Variants in SLC25A33 observed in about 807,000 individuals in gnomAD.
SLC25A33 encodes the protein bone marrow stromal cell mitochondrial carrier protein.
Under a neutral mutation model 35.5 loss-of-function variants are expected in SLC25A33, and 15 were observed. That is an observed-to-expected ratio of 0.42 (90% CI 0.28 to 0.65). The LOEUF (loss-of-function observed/expected upper bound fraction) is 0.65. Among genes scored for constraint, SLC25A33 ranks in the 30% least tolerant of loss-of-function variants. The pLI is 0.20. For synonymous variants in SLC25A33, 136 were observed against 148.7 expected (o/e 0.91, Z 0.62); for missense variants, 257 against 398.5 (o/e 0.64, Z 3.02).
intron 1 of SLC25A33, among the ~76,000 whole-genome samples, chr1:9,541,203 G>C (rs905848818): frequency 2.0e-5 from 3 of 150,130 alleles, no homozygotes; most frequent in African/African-American, 7.4e-5. Flanking sequence ...GCCCAGGCTG[G>C]AGTGCACTGG....
At chr1:9,563,920 A>G (rs960717350) in intron 2 of SLC25A33, among the ~76,000 whole-genome samples, 3 of 152,026 alleles carry the variant, frequency 2.0e-5, no homozygotes, top group African/African-American at 7.2e-5. Context: ...CGGCCTCCCA[A>G]TGTGCTAGGA....
At position 9,539,696 on chromosome 1, in the gene SLC25A33, C is replaced by G; in HGVS notation, c.5C>G (p.Ala2Gly). Residue 2 changes from alanine (A) to glycine (G), a missense_variant, in exon 1 of 7, where the codon GCG becomes GGG. By Grantham distance (60) the Ala-to-Gly change is moderately conservative. Transcript: ENST00000302692. ...GGCCGCGGAGCCGGCGCGGCCATGG[C>G]GACGGGCGGCCAGCAGAAGGAGAAC... M[A>G]TGGQQKENTL... is the part of the protein sequence containing the mutation. 7.2e-7 allele frequency: 1 copy of G among 1,388,552 alleles called. No individual in the cohort carries two copies. Among genetic ancestry groups the G allele is most frequent in the Non-Finnish European group, 9.3e-7 (1 of 1,070,142 alleles). 86.0% of individuals were successfully genotyped at this position (1,388,552 alleles called of 1,614,324 possible). A position where few individuals can be genotyped will look rare whatever the true frequency, so the allele number is the denominator to read the frequency against.
At chr1:9,574,283 G>T (rs901848853) in intron 5 of SLC25A33, among the ~76,000 whole-genome samples, 1 of 151,972 alleles carries the variant, frequency 6.6e-6, no homozygotes, top group African/African-American at 2.4e-5. Flanking sequence ...TGTAGAGATG[G>T]ATCTTGCCAT....
At chr1:9,553,896 TTC>T in intron 2 of SLC25A33, 91 bp downstream of exon 2, 1 of 1,366,088 alleles carries the variant, frequency 7.3e-7, no homozygotes, top group East Asian at 2.5e-5. Context: ...AAATGTGATG[TTC>T]TGTTTGCATA....
chr1:9,576,428 T>C (rs1643661776), intron 5 of SLC25A33: 3 of 372,762 alleles, frequency 8.0e-6, no homozygotes, highest in Non-Finnish European at 1.1e-5. Context: ...ACTGTGAAAA[T>C]GAAGACCATT....
At chr1:9,546,603 C>A (rs973445998) in intron 1 of SLC25A33, among the ~76,000 whole-genome samples, 26 of 152,136 alleles carry the variant, frequency 1.7e-4, no homozygotes, top group Non-Finnish European at 5.9e-5. Flanking sequence ...AAGCATGAGT[C>A]CCAGCTGGCC....
chr1:9,550,294 C>G (rs986416156), intron 1 of SLC25A33, among the ~76,000 whole-genome samples: 1 of 150,368 alleles, frequency 6.7e-6, no homozygotes, highest in African/African-American at 2.4e-5. Context: ...TTCGCTGTTA[C>G]TAGGGCATTT....
chr1:9,546,209 G>C (rs1271379029), intron 1 of SLC25A33, among the ~76,000 whole-genome samples: 1 of 129,424 alleles, frequency 7.7e-6, no homozygotes, highest in Non-Finnish European at 1.6e-5. Context: ...TTTTGAAACG[G>C]AGTCTCGCTC....
At chr1:9,554,353 A>ATGTT (rs1210773987) in intron 2 of SLC25A33, among the ~76,000 whole-genome samples, 15 of 151,718 alleles carry the variant, frequency 9.9e-5, no homozygotes, top group East Asian at 3.9e-4. Context: ...AAGAAACAAA[A>ATGTT]TGTTTGTTTG....
chr1:9,547,531 C>T (rs1269006465), intron 1 of SLC25A33, among the ~76,000 whole-genome samples: 1 of 151,832 alleles, frequency 6.6e-6, no homozygotes, highest in East Asian at 1.9e-4. Context: ...ACCAGCAGTG[C>T]CACCAGTCCA....
chr1:9,552,768 A>C (rs1204636642), intron 1 of SLC25A33, among the ~76,000 whole-genome samples: 1 of 152,148 alleles, frequency 6.6e-6, no homozygotes, highest in Non-Finnish European at 1.5e-5. Context: ...GAAATGATGA[A>C]GCAGGTGCAT....
chr1:9,570,829 C>T (rs1643580421), intron 4 of SLC25A33, among the ~76,000 whole-genome samples: 1 of 150,660 alleles, frequency 6.6e-6, no homozygotes, highest in Non-Finnish European at 1.5e-5. Flanking sequence ...TCTTGTGCCT[C>T]AGCCTCCTGA....
rs1158090760 is a variant in SLC25A33 at position 9,582,258 on chromosome 1, A to G, written c.764-41A>G. 3.1e-6 allele frequency: 5 copies of G among 1,605,626 alleles called. No homozygotes were observed. In the African/African-American group the frequency reaches 6.7e-5, roughly 21 times the overall value. On this transcript the variant is annotated intron_variant, in intron 6 of 6. Transcript: ENST00000302692. This position sits in a 1 kb window ranked among gnomAD's most constrained non-coding sequence, Gnocchi z 4.0. ...GTTGTGTGCTGTGGATTCGTTCCCC[A>G]TTTAATATGTGGCGTAAAGTAGGTC...
In SLC25A33 at chr1:9,544,351, C is replaced by A. The variant is rs1569839327; in HGVS notation, c.56+4604C>A. On this transcript the variant is annotated intron_variant, in intron 1 of 6. Transcript: ENST00000302692. ...TGGTGACATCTCGGCTCGCTGCAAC[C>A]TCCACCTCCCGGGTTCAAGCAATTC... Among the ~76,000 whole-genome samples, 4 of 151,226 alleles carry A rather than the reference C, an allele frequency of 2.6e-5. No individual in the cohort carries two copies. In the East Asian group the frequency reaches 7.9e-4, roughly 30 times the overall value.
At chr1:9,581,303 CAGG>C (rs1170223508) in intron 6 of SLC25A33, among the ~76,000 whole-genome samples, 1 of 152,096 alleles carries the variant, frequency 6.6e-6, no homozygotes, top group Non-Finnish European at 1.5e-5. Context: ...AAAACGTTTC[CAGG>C]AGGAGGAGGA....
intron 1 of SLC25A33, among the ~76,000 whole-genome samples, chr1:9,548,793 G>A (rs952464014): frequency 6.6e-6 from 1 of 152,108 alleles, no homozygotes; most frequent in African/African-American, 2.4e-5. Flanking sequence ...TGTAACTGGC[G>A]GTTGAATATG....
At chr1:9,561,011 A>G (rs1011287439) in intron 2 of SLC25A33, among the ~76,000 whole-genome samples, 17 of 146,720 alleles carry the variant, frequency 1.2e-4, no homozygotes, top group Non-Finnish European at 1.8e-4. Flanking sequence ...GTGCAGTGGC[A>G]CCATCTCTGC....
rs1172100444 is a variant in SLC25A33, at chr1:9,555,110, CTT to C, written c.236+1329_236+1330del. On this transcript the variant is annotated intron_variant, in intron 2 of 6. Coordinates refer to ENST00000302692, the MANE Select transcript of SLC25A33 (RefSeq NM_032315.3). ...TGTTTTAAAAACAACGCATTTAGCA[CTT>C]TTTTTTTTTTTTTTTTTTTTTTTGA... 7.4e-3 allele frequency among the ~76,000 whole-genome samples: 672 copies of C among 91,128 alleles called. 5 individuals carry two copies. The highest frequency in any genetic ancestry group is 0.026 in the African/African-American group (584 of 22,088). The allele number at this position is 91,128 out of a possible 152,430, so 59.8% of individuals were successfully genotyped here. A position where few individuals can be genotyped will look rare whatever the true frequency, so the allele number is the denominator to read the frequency against.
rs1643293546 is a variant in SLC25A33, at chr1:9,553,223, T to TGG, written c.57-403_57-402insGG. On this transcript the variant is annotated intron_variant, in intron 1 of 6. Coordinates refer to ENST00000302692, the MANE Select transcript of SLC25A33 (RefSeq NM_032315.3). ...GTTTTGTTTTTTTTTTTTTTTTTTT[T>TGG]TTTTGGGTTTTTTTTTTGTTTGAGA... is the stretch of plus-strand genomic sequence containing the variant. Among the ~76,000 whole-genome samples the TGG allele has an allele frequency of 2.3e-4, 30 of 129,994 alleles. No individual in the cohort carries two copies. In the South Asian group the frequency reaches 3.7e-3, roughly 16 times the overall value. 85.3% of individuals were successfully genotyped at this position (129,994 alleles called of 152,430 possible).
Sources: allele counts gnomAD v4.1 joint callset (sites outside exome capture counted in the v4.1 genomes callset), GRCh38; gene constraint gnomAD v4.1.1; non-coding constraint Gnocchi (gnomAD v3.1); transcripts MANE v1.5; gene names NCBI Gene and HGNC (gene_info 2026-07-23, HGNC 2026-07-21).